TCF4: variants seen among roughly 807,000 people sequenced by gnomAD.
TCF4 encodes the protein SL3-3 enhancer factor 2.
A neutral mutation model predicts 82.1 loss-of-function variants in TCF4; 3 were observed. The observed-to-expected ratio is 0.04, with a 90% CI of 0.02 to 0.09. The LOEUF (loss-of-function observed/expected upper bound fraction) is 0.09, where lower values mean the gene tolerates loss of function less well. Ranked by LOEUF, TCF4 falls within the 10% of genes least tolerant of loss-of-function variation. TCF4 has a pLI of 1.00. For synonymous variants in TCF4, 276 were observed against 309.6 expected, an observed-to-expected ratio of 0.89 and a Z score of 1.14; for missense variants, 518 against 852.7, an observed-to-expected ratio of 0.61 and a Z score of 4.89.
At chr18:55,617,317 T>C (rs638426) in intron 2 of TCF4, among the ~76,000 whole-genome samples, 152,022 of 152,258 alleles carry the variant, frequency 1, 75,894 homozygotes, top group Middle Eastern at 1. Context: ...ACCAGTACCA[T>C]ACTGTTTTAA....
intron 6 of TCF4, among the ~76,000 whole-genome samples, chr18:55,370,105 T>C (rs544358306): frequency 4.1e-4 from 62 of 152,148 alleles, no homozygotes; most frequent in Non-Finnish European, 5.9e-4. Flanking sequence ...AATATTACGT[T>C]AAAAAGAGAA....
intron 11 of TCF4, among the ~76,000 whole-genome samples, chr18:55,262,932 G>C (rs374388042): frequency 1.3e-4 from 20 of 151,974 alleles, no homozygotes; most frequent in African/African-American, 4.1e-4. Flanking sequence ...TCAGCCTCCT[G>C]AGTAGCTAGG....
rs535229441 is a variant in TCF4 at position 55,471,281 on chromosome 18, T to C, written c.146-7144A>G. 2.1e-4 allele frequency among the ~76,000 whole-genome samples: 32 copies of C among 152,206 alleles called. 1 individual carries two copies. In the East Asian group the frequency reaches 6.2e-3, roughly 29 times the overall value. On this transcript the variant is annotated intron_variant, in intron 3 of 19. Transcript: ENST00000354452. ...GATTGTTTCTGTTTTCTATTAGACA[T>C]AAGAAATGGTGCTTCAGAATGAGTG...
At chr18:55,424,297 T>C (rs2147021626) in intron 5 of TCF4, among the ~76,000 whole-genome samples, 2 of 152,296 alleles carry the variant, frequency 1.3e-5, no homozygotes, top group Admixed American at 1.3e-4. Context: ...ATCAGCTCTG[T>C]CTCAAGATTT....
At chr18:55,437,854 T>C (rs1435833382) in intron 5 of TCF4, among the ~76,000 whole-genome samples, 1 of 152,186 alleles carries the variant, frequency 6.6e-6, no homozygotes, top group Non-Finnish European at 1.5e-5. Flanking sequence ...ATCAGATATA[T>C]GTCAGATATA....
At chr18:55,448,473 G>A (rs1343426063) in intron 5 of TCF4, among the ~76,000 whole-genome samples, 1 of 152,200 alleles carries the variant, frequency 6.6e-6, no homozygotes, top group African/African-American at 2.4e-5. Context: ...ACCATGTCTT[G>A]AACGGCTAAA....
intron 5 of TCF4, among the ~76,000 whole-genome samples, chr18:55,418,718 C>T (rs567498021): frequency 6.6e-6 from 1 of 152,212 alleles, no homozygotes; most frequent in African/African-American, 2.4e-5. Context: ...CCCAGGCCTA[C>T]CTAAATGTCA....
At chr18:55,229,781 T>G (rs756620475) in intron 17 of TCF4, 3 of 152,400 alleles carry the variant, frequency 2.0e-5, no homozygotes, top group Admixed American at 6.5e-5. Flanking sequence ...TTTAATCTTA[T>G]AGATGTTTAT....
chr18:55,618,387 T>C (rs981114197), intron 2 of TCF4, among the ~76,000 whole-genome samples: 1 of 152,198 alleles, frequency 6.6e-6, no homozygotes, highest in African/African-American at 2.4e-5. Flanking sequence ...TTTGTTGATA[T>C]ATACTTGTTC....
intron 3 of TCF4, among the ~76,000 whole-genome samples, chr18:55,530,953 A>AT (rs553589209): frequency 0.011 from 1,510 of 143,628 alleles, 20 homozygotes; most frequent in Middle Eastern, 0.055. Flanking sequence ...TTCTTTTTGC[A>AT]TTTTTTTTTT....
chr18:55,609,503 G>A (rs906620228), intron 2 of TCF4, among the ~76,000 whole-genome samples: 3 of 152,168 alleles, frequency 2.0e-5, no homozygotes, highest in Non-Finnish European at 2.9e-5. Context: ...AGGTGAGGCA[G>A]CCTCAGAACT....
chr18:55,441,415 T>C (rs2095436593), intron 5 of TCF4, among the ~76,000 whole-genome samples: 1 of 152,264 alleles, frequency 6.6e-6, no homozygotes, highest in Non-Finnish European at 1.5e-5. Context: ...ACTATTTTTC[T>C]TTCTTTAACA....
In TCF4 at chr18:55,223,274, G is replaced by T. The variant is rs894438000; in HGVS notation, c.*4761C>A. 6.6e-6 allele frequency: 1 copy of T among 152,096 alleles called. No homozygotes were observed. Among genetic ancestry groups the T allele is most frequent in the Non-Finnish European group, 1.5e-5 (1 of 68,000 alleles). 9.4% of individuals were successfully genotyped at this position (152,096 alleles called of 1,614,324 possible). On this transcript the variant is annotated 3_prime_UTR_variant, in exon 20 of 20. Transcript: ENST00000354452. ...TTTTCATTAAGGGCATCTCTTCCTT[G>T]ATCAATCATGTGCTTTGCTTTTCAA...
At chr18:55,619,514 T>G (rs917501029) in intron 2 of TCF4, among the ~76,000 whole-genome samples, 1 of 152,204 alleles carries the variant, frequency 6.6e-6, no homozygotes, top group African/African-American at 2.4e-5. Context: ...AATCTACCAT[T>G]AATTTCAGAC....
chr18:55,321,603 C>T, intron 8 of TCF4: 1 of 1,535,144 alleles, frequency 6.5e-7, no homozygotes, highest in Non-Finnish European at 8.7e-7. Flanking sequence ...TGATCACCAC[C>T]TAGGATGCTC....
intron 2 of TCF4, among the ~76,000 whole-genome samples, chr18:55,621,545 T>TAATATATATAA (rs1568500547): frequency 1.8e-4 from 1 of 5,532 alleles, no homozygotes; most frequent in African/African-American, 5.9e-4. Context: ...ATATATTATA[T>TAATATATATAA]TATATATTAT....
At chr18:55,577,155 T>TATACATTTATATATTTATAA (rs2097536126) in intron 3 of TCF4, among the ~76,000 whole-genome samples, 1 of 144,528 alleles carries the variant, frequency 6.9e-6, no homozygotes, top group South Asian at 2.1e-4. Flanking sequence ...TATATTTATA[T>TATACATTTATATATTTATAA]ATGTATATAT....
chr18:55,338,168 T>C (rs2079051368), intron 8 of TCF4, among the ~76,000 whole-genome samples: 1 of 152,146 alleles, frequency 6.6e-6, no homozygotes, highest in African/African-American at 2.4e-5. Flanking sequence ...GCCCATTTCA[T>C]TTCGACCACG....
intron 2 of TCF4, among the ~76,000 whole-genome samples, chr18:55,627,424 T>C (rs1205191584): frequency 1.3e-5 from 2 of 152,000 alleles, no homozygotes; most frequent in Non-Finnish European, 2.9e-5. Context: ...CAGGGTACAA[T>C]GGCAATGCAG....
Sources: gnomAD v4.1 joint callset for allele counts (sites outside exome capture counted in the v4.1 genomes callset) on GRCh38, gnomAD v4.1.1 for gene constraint, MANE v1.5 for transcripts, NCBI Gene and HGNC (gene_info 2026-07-23, HGNC 2026-07-21) for gene names.